Variants in LZTS1 observed in about 807,000 individuals in gnomAD.
LZTS1 encodes leucine zipper putative tumor suppressor 1.
Under a neutral mutation model 45.8 loss-of-function variants are expected in LZTS1, and 31 were observed. The ratio of observed to expected loss-of-function variants is 0.68; its 90% CI spans 0.51 to 0.91. LZTS1 has a LOEUF of 0.91. Among genes scored for constraint, LZTS1 ranks in the 40% least tolerant of loss-of-function variants. The pLI, the probability that LZTS1 is intolerant of heterozygous loss-of-function variation, is 0.00. For synonymous variants in LZTS1, 359 were observed against 357.3 expected, an observed-to-expected ratio of 1.00 and a Z score of -0.05; for missense variants, 821 against 788.9, an observed-to-expected ratio of 1.04 and a Z score of -0.49.
intron 3 of LZTS1, 86 bp from the exon 4 acceptor site, chr8:20,250,449 A>C: frequency 9.6e-6 from 13 of 1,358,542 alleles, no homozygotes; most frequent in South Asian, 1.4e-5. Context: ...AAAATAACCA[A>C]GCCACTCCGG....
intron 1 of LZTS1, among the ~76,000 whole-genome samples, chr8:20,265,174 G>A (rs879649203): frequency 1.3e-5 from 2 of 152,128 alleles, no homozygotes; most frequent in Non-Finnish European, 2.9e-5. Flanking sequence ...CTTCCCACTG[G>A]GGCGGCATCA....
rs895847518 is a variant in LZTS1 at position 20,246,664 on chromosome 8, T to C, written c.*3058A>G. ...CCAGTCCCATGTGAGCTCAGTGCTA[T>C]AGGGGCTGTGTGTGCCTGGCAGGAG... On this transcript the variant is annotated 3_prime_UTR_variant, in exon 4 of 4. Transcript: ENST00000381569. 4 of 152,274 alleles carry C rather than the reference T, an allele frequency of 2.6e-5. No individual in the cohort carries two copies. Among genetic ancestry groups the C allele is most frequent in the African/African-American group, 4.8e-5 (2 of 41,404 alleles). The allele number at this position is 152,274 out of a possible 1,614,324, so 9.4% of individuals were successfully genotyped here.
chr8:20,290,919 C>T (rs1045225652), intron 1 of LZTS1, among the ~76,000 whole-genome samples: 3 of 152,182 alleles, frequency 2.0e-5, no homozygotes, highest in African/African-American at 4.8e-5. Flanking sequence ...GTCCCATGCA[C>T]GGGCTTGAGA....
intron 1 of LZTS1, among the ~76,000 whole-genome samples, chr8:20,268,420 TA>T (rs1800405587): frequency 6.6e-6 from 1 of 151,620 alleles, no homozygotes; most frequent in African/African-American, 2.4e-5. Flanking sequence ...CCTCCCCCCA[TA>T]CATACTCTGC....
At chr8:20,288,281 C>T (rs1314872229) in intron 1 of LZTS1, among the ~76,000 whole-genome samples, 1 of 152,182 alleles carries the variant, frequency 6.6e-6, no homozygotes, top group Non-Finnish European at 1.5e-5. Context: ...TCTGCAAAGG[C>T]TGACTGCCAG....
chr8:20,267,776 A>G (rs1045474504), intron 1 of LZTS1, among the ~76,000 whole-genome samples: 8 of 152,046 alleles, frequency 5.3e-5, no homozygotes, highest in African/African-American at 1.9e-4. Context: ...CGGACTCCCA[A>G]AGTGCTGGGA....
intron 1 of LZTS1, among the ~76,000 whole-genome samples, chr8:20,277,502 T>A (rs1384252857): frequency 1.3e-5 from 2 of 152,244 alleles, no homozygotes; most frequent in Non-Finnish European, 1.5e-5. Context: ...AATTCTTTCT[T>A]GAGCAAGGTC....
intron 1 of LZTS1, among the ~76,000 whole-genome samples, chr8:20,295,474 C>T (rs1186421306): frequency 1.3e-5 from 2 of 152,124 alleles, no homozygotes; most frequent in African/African-American, 4.8e-5. Flanking sequence ...TCTGAAGTGG[C>T]TGGGTAGAAA....
At chr8:20,272,192 C>T (rs1290809863) in intron 1 of LZTS1, among the ~76,000 whole-genome samples, 1 of 152,190 alleles carries the variant, frequency 6.6e-6, no homozygotes, top group Admixed American at 6.5e-5. Context: ...TAAGCCCAAC[C>T]TGTCTTCCCA....
In LZTS1 at chr8:20,249,979, G is replaced by A. The variant is rs200655550; in HGVS notation, c.1534C>T (p.Arg512Trp). The A allele has an allele frequency of 1.3e-5, 21 of 1,613,622 alleles. No homozygotes were observed. The highest frequency in any genetic ancestry group is 5.3e-5 in the African/African-American group (4 of 74,936). Reference protein sequence around the residue: ...RELERLRAELREERQGHDQMS... With the variant: ...RELERLRAELWEERQGHDQMS... ...TGGTCATGGCCTTGCCGCTCCTCCC[G>A]CAGCTCGGCCCGCAGCCGCTCCAGC... The change falls in exon 4 of 4, where the codon CGG becomes TGG. Residue 512 changes from arginine (R) to tryptophan (W), a missense_variant. By Grantham distance (101) the Arg-to-Trp change is moderately radical. Coordinates refer to ENST00000381569, the MANE Select transcript of LZTS1 (RefSeq NM_021020.5).
At chr8:20,300,567 C>T (rs1321015019) in intron 1 of LZTS1, among the ~76,000 whole-genome samples, 1 of 151,990 alleles carries the variant, frequency 6.6e-6, no homozygotes, top group Non-Finnish European at 1.5e-5. Flanking sequence ...CTCCTGACCT[C>T]GTGATCCACC....
At chr8:20,274,337 G>A (rs772019186) in intron 1 of LZTS1, among the ~76,000 whole-genome samples, 1 of 152,130 alleles carries the variant, frequency 6.6e-6, no homozygotes, top group South Asian at 2.1e-4. Context: ...TTTCCCAAAT[G>A]CAACACCATA....
At chr8:20,274,018 C>T (rs1800526373) in intron 1 of LZTS1, among the ~76,000 whole-genome samples, 1 of 152,060 alleles carries the variant, frequency 6.6e-6, no homozygotes, top group Non-Finnish European at 1.5e-5. Context: ...TCCCACGCTG[C>T]TCCCTAGGCC....
intron 1 of LZTS1, among the ~76,000 whole-genome samples, chr8:20,268,377 G>T (rs1310970379): frequency 6.6e-6 from 1 of 151,730 alleles, no homozygotes; most frequent in Non-Finnish European, 1.5e-5. Context: ...AGGGCTAATT[G>T]ACTCCCCTTT....
At chr8:20,281,085 A>G (rs557662723) in intron 1 of LZTS1, among the ~76,000 whole-genome samples, 20 of 152,308 alleles carry the variant, frequency 1.3e-4, no homozygotes, top group African/African-American at 4.3e-4. Context: ...TTTTAACGTA[A>G]TGGTTATAGG....
At chr8:20,277,700 C>T (rs770279852) in intron 1 of LZTS1, among the ~76,000 whole-genome samples, 4 of 152,152 alleles carry the variant, frequency 2.6e-5, no homozygotes, top group African/African-American at 4.8e-5. Context: ...ATTCCAGCAA[C>T]TCCAGGTGGG....
At chr8:20,298,446 A>AAAT (rs1038779652) in intron 1 of LZTS1, among the ~76,000 whole-genome samples, 31 of 152,278 alleles carry the variant, frequency 2.0e-4, no homozygotes, top group African/African-American at 6.5e-4. Context: ...TGTGAGGTGT[A>AAAT]AATAATAATA....
Position 20,247,945 on chromosome 8 carries a change from A to T in LZTS1, c.*1777T>A, listed in dbSNP as rs1799780331. The T allele has an allele frequency of 6.5e-6, 1 of 152,678 alleles. No homozygotes were observed. The highest frequency in any genetic ancestry group is 1.5e-5 in the Non-Finnish European group (1 of 68,068). 9.5% of individuals were successfully genotyped at this position (152,678 alleles called of 1,614,324 possible). A position where few individuals can be genotyped will look rare whatever the true frequency, so the allele number is the denominator to read the frequency against. On this transcript the variant is annotated 3_prime_UTR_variant, in exon 4 of 4. Coordinates refer to ENST00000381569, the MANE Select transcript of LZTS1 (RefSeq NM_021020.5). ...AACAGCAGCTGTGGCTACAGTCAAA[A>T]ATAGAACATGGAACAGCCTGCTAGG...
At chr8:20,270,322 T>C (rs1362216509) in intron 1 of LZTS1, among the ~76,000 whole-genome samples, 1 of 152,186 alleles carries the variant, frequency 6.6e-6, no homozygotes, top group Non-Finnish European at 1.5e-5. Context: ...AAGAGCATTC[T>C]ATGCTGAGAG....
Sources: allele counts gnomAD v4.1 joint callset (sites outside exome capture counted in the v4.1 genomes callset), GRCh38; gene constraint gnomAD v4.1.1; transcripts MANE v1.5; gene names NCBI Gene and HGNC (gene_info 2026-07-23, HGNC 2026-07-21).